Variants in ARHGEF26 observed in about 807,000 individuals in gnomAD.
The protein encoded by ARHGEF26 is Rho guanine nucleotide exchange factor (GEF) 26.
ARHGEF26 carries 59 observed loss-of-function variants against 89.4 expected under a neutral mutation model. The observed-to-expected ratio is 0.66, with a 90% CI of 0.54 to 0.82. ARHGEF26 has a LOEUF of 0.82. Ranked by LOEUF, ARHGEF26 falls within the 40% of genes least tolerant of loss-of-function variation. ARHGEF26 has a pLI of 0.00. For synonymous variants in ARHGEF26, 500 were observed against 428.4 expected, an observed-to-expected ratio of 1.17 and a Z score of -2.06; for missense variants, 1,234 against 1,085.6, an observed-to-expected ratio of 1.14 and a Z score of -1.92.
intron 12 of ARHGEF26, among the ~76,000 whole-genome samples, chr3:154,252,270 G>A (rs1321383319): frequency 6.6e-6 from 1 of 152,108 alleles, no homozygotes. Flanking sequence ...CCTTCAGATG[G>A]GCTTTTGAGA....
intron 6 of ARHGEF26, among the ~76,000 whole-genome samples, chr3:154,184,447 T>C (rs1478748943): frequency 6.6e-6 from 1 of 152,218 alleles, no homozygotes; most frequent in African/African-American, 2.4e-5. Flanking sequence ...TAGCTGTCCA[T>C]TAGACATCTC....
intron 3 of ARHGEF26, among the ~76,000 whole-genome samples, chr3:154,127,350 C>T (rs575999313): frequency 1.3e-5 from 2 of 152,210 alleles, no homozygotes; most frequent in South Asian, 4.2e-4. Context: ...CATACCTATT[C>T]CATAAGCTTT....
At chr3:154,159,888 A>AT (rs1711557530) in intron 6 of ARHGEF26, among the ~76,000 whole-genome samples, 5 of 152,132 alleles carry the variant, frequency 3.3e-5, no homozygotes, top group Admixed American at 2.0e-4. Flanking sequence ...AATATGGAAC[A>AT]TTTTAAGTTG....
Position 154,214,757 on chromosome 3 carries a change from C to T in ARHGEF26, c.1846-3112C>T, listed in dbSNP as rs531922649. Among the ~76,000 whole-genome samples, 15 of 152,300 alleles carry T rather than the reference C, an allele frequency of 9.8e-5. No homozygotes were observed. The East Asian group carries it at 2.9e-3, about 29-fold the overall frequency. On this transcript the variant is annotated intron_variant, in intron 9 of 14. Transcript: ENST00000465093. ...CAAGCAGCAGGAGCCTGGTATGGTG[C>T]TTGGGTTTCACCCTGATATGCCCTG...
At chr3:154,213,099 A>C (rs763401471) in intron 9 of ARHGEF26, among the ~76,000 whole-genome samples, 8 of 152,130 alleles carry the variant, frequency 5.3e-5, no homozygotes, top group Non-Finnish European at 1.2e-4. Flanking sequence ...CAGAGTGTCT[A>C]TCTTACTGCA....
intron 9 of ARHGEF26, among the ~76,000 whole-genome samples, chr3:154,199,208 G>C (rs1714472716): frequency 6.6e-6 from 1 of 151,092 alleles, no homozygotes; most frequent in Non-Finnish European, 1.5e-5. Flanking sequence ...CTCCTCCCCA[G>C]CCCCCGACTA....
intron 6 of ARHGEF26, among the ~76,000 whole-genome samples, chr3:154,168,589 C>T (rs1477389678): frequency 6.6e-6 from 1 of 151,972 alleles, no homozygotes; most frequent in African/African-American, 2.4e-5. Flanking sequence ...AAAACAAAAA[C>T]AAAAACAGAA....
rs202114850 is a variant in ARHGEF26, at chr3:154,122,315, T to A, written c.323T>A (p.Leu108His). Residue 108 changes from leucine (L) to histidine (H), a missense_variant, in exon 2 of 15, where the codon CTT (leucine) becomes CAT (histidine). Transcript: ENST00000465093. ...SPEYRAASPRLRRPKSPKLPK... is the reference protein window; with the variant it reads ...SPEYRAASPRHRRPKSPKLPK... ...GAGTACAGGGCTGCCTCTCCTCGAC[T>A]TCGACGGCCCAAGTCACCCAAGCTC... is the stretch of plus-strand genomic sequence containing the variant. 11 of 1,612,680 alleles carry A rather than the reference T, an allele frequency of 6.8e-6. No homozygotes were observed. Among genetic ancestry groups the A allele is most frequent in the Non-Finnish European group, 9.3e-6 (11 of 1,179,840 alleles).
chr3:154,229,568 G>A (rs371552818), intron 11 of ARHGEF26, among the ~76,000 whole-genome samples: 6 of 152,264 alleles, frequency 3.9e-5, no homozygotes, highest in African/African-American at 9.6e-5. Context: ...ACCTTGGCAC[G>A]ATTGACATTT....
intron 6 of ARHGEF26, among the ~76,000 whole-genome samples, chr3:154,161,046 T>C (rs1265824240): frequency 1.3e-5 from 2 of 151,348 alleles, no homozygotes; most frequent in Admixed American, 6.6e-5. Context: ...ATAGTGGCAG[T>C]TGGCACCCAC....
At chr3:154,139,382 A>T (rs1164026983) in intron 4 of ARHGEF26, among the ~76,000 whole-genome samples, 1 of 152,194 alleles carries the variant, frequency 6.6e-6, no homozygotes, top group Non-Finnish European at 1.5e-5. Flanking sequence ...GCTTACTATG[A>T]AATCGAATTA....
intron 4 of ARHGEF26, among the ~76,000 whole-genome samples, chr3:154,132,598 G>A (rs1365865078): frequency 6.6e-6 from 1 of 152,144 alleles, no homozygotes; most frequent in Non-Finnish European, 1.5e-5. Context: ...ATGTCAGGAT[G>A]TTTCTCAAAA....
At chr3:154,135,524 G>GT (rs761812606) in intron 4 of ARHGEF26, among the ~76,000 whole-genome samples, 2 of 152,172 alleles carry the variant, frequency 1.3e-5, no homozygotes, top group Non-Finnish European at 2.9e-5. Context: ...ACTTTGAAAA[G>GT]TAAGTTTTGA....
At chr3:154,138,864 A>G (rs923688583) in intron 4 of ARHGEF26, among the ~76,000 whole-genome samples, 1 of 152,208 alleles carries the variant, frequency 6.6e-6, no homozygotes, top group Non-Finnish European at 1.5e-5. Flanking sequence ...CCTTGCATTC[A>G]TGTCCTTGTA....
chr3:154,163,059 G>A lies in ARHGEF26; in HGVS notation c.1487+10127G>A, dbSNP rs904237488. Among the ~76,000 whole-genome samples, 6 of 151,902 alleles carry A rather than the reference G, an allele frequency of 3.9e-5. No homozygotes were observed. In the East Asian group the frequency reaches 5.8e-4, roughly 15 times the overall value. On this transcript the variant is annotated intron_variant, in intron 6 of 14. Transcript: ENST00000465093. Reference sequence around the variant, plus strand: ...TCACTCACTGATTCACCAAAAATTGGGTAAATAATTGTCTTACTTGTTTTT... The same window carrying A: ...TCACTCACTGATTCACCAAAAATTGAGTAAATAATTGTCTTACTTGTTTTT...
intron 12 of ARHGEF26, among the ~76,000 whole-genome samples, chr3:154,247,229 C>G (rs188001624): frequency 6.6e-6 from 1 of 152,266 alleles, no homozygotes; most frequent in East Asian, 1.9e-4. Context: ...CTGTCCAAAA[C>G]CAAACATCAA....
At chr3:154,142,401 A>G (rs1226222739) in intron 4 of ARHGEF26, among the ~76,000 whole-genome samples, 1 of 152,112 alleles carries the variant, frequency 6.6e-6, no homozygotes, top group African/African-American at 2.4e-5. Context: ...AGGGAAGAAG[A>G]AAGATAGGAC....
chr3:154,235,134 A>G (rs1166024638), intron 11 of ARHGEF26, among the ~76,000 whole-genome samples: 1 of 151,068 alleles, frequency 6.6e-6, no homozygotes, highest in Non-Finnish European at 1.5e-5. Flanking sequence ...CAACTCAACT[A>G]TTTCTACTCC....
chr3:154,240,304 C>T lies in ARHGEF26; in HGVS notation c.2091-66C>T, dbSNP rs147815417. Reference sequence around the variant, plus strand: ...TTGCTGTTTCCACCAAAATGTGCCTCGAAAACTGACAATGTCAGTCTTATC... The same window carrying T: ...TTGCTGTTTCCACCAAAATGTGCCTTGAAAACTGACAATGTCAGTCTTATC... On this transcript the variant is annotated intron_variant, in intron 11 of 14. Coordinates refer to ENST00000465093, the MANE Select transcript of ARHGEF26 (RefSeq NM_015595.4). 3,821 of 1,290,122 alleles carry T rather than the reference C, an allele frequency of 3.0e-3. 12 individuals are homozygous for T. Among genetic ancestry groups the T allele is most frequent in the Non-Finnish European group, 3.6e-3 (3,361 of 938,190 alleles). The allele number at this position is 1,290,122 out of a possible 1,614,324, so 79.9% of individuals were successfully genotyped here. A position where few individuals can be genotyped will look rare whatever the true frequency, so the allele number is the denominator to read the frequency against.
Sources: gnomAD v4.1 joint callset for allele counts (sites outside exome capture counted in the v4.1 genomes callset) on GRCh38, gnomAD v4.1.1 for gene constraint, MANE v1.5 for transcripts, NCBI Gene and HGNC (gene_info 2026-07-23, HGNC 2026-07-21) for gene names.